The following SLC4A10 variants were observed in gnomAD, a reference collection of about 807,000 sequenced individuals.
The protein encoded by SLC4A10 is solute carrier family 4 member 10, also known as sodium-driven chloride bicarbonate exchanger.
Under a neutral mutation model 137.7 loss-of-function variants are expected in SLC4A10, and 42 were observed. The observed-to-expected ratio is 0.30, with a 90% CI of 0.24 to 0.39. The LOEUF (loss-of-function observed/expected upper bound fraction) is 0.39, where lower values mean the gene tolerates loss of function less well. SLC4A10 is among the 10% of genes least tolerant of loss of function. The probability of loss-of-function intolerance (pLI) is 1.00; values close to 1 mark genes in which losing one functional copy is unlikely to be tolerated. For synonymous variants in SLC4A10, 474 were observed against 464.1 expected (o/e 1.02, Z -0.27); for missense variants, 925 against 1,355.0 (o/e 0.68, Z 4.98).
At chr2:161,852,557 A>G (rs1414317374) in intron 4 of SLC4A10, among the ~76,000 whole-genome samples, 1 of 152,218 alleles carries the variant, frequency 6.6e-6, no homozygotes, top group Non-Finnish European at 1.5e-5. Context: ...AAAGAAAACA[A>G]ATTGGAATAA....
chr2:161,952,802 T>C (rs1695030864), intron 19 of SLC4A10, among the ~76,000 whole-genome samples: 1 of 152,208 alleles, frequency 6.6e-6, no homozygotes, highest in Non-Finnish European at 1.5e-5. Context: ...TAAGCTTCTA[T>C]AGAGTGTGGT....
At chr2:161,866,939 C>T (rs2125907176) in intron 6 of SLC4A10, among the ~76,000 whole-genome samples, 1 of 151,932 alleles carries the variant, frequency 6.6e-6, no homozygotes, top group South Asian at 2.1e-4. Context: ...CTATCCTTTA[C>T]TAATAATTTC....
intron 12 of SLC4A10, among the ~76,000 whole-genome samples, chr2:161,901,473 C>T (rs1024769401): frequency 1.2e-4 from 19 of 152,092 alleles, no homozygotes; most frequent in Non-Finnish European, 1.8e-4. Context: ...TTTCTAATCA[C>T]ACATCTTTGA....
At chr2:161,811,332 G>C (rs1486491388) in intron 3 of SLC4A10, among the ~76,000 whole-genome samples, 1 of 151,690 alleles carries the variant, frequency 6.6e-6, no homozygotes, top group East Asian at 1.9e-4. Flanking sequence ...ATTTATCTTT[G>C]TATGGACTTT....
intron 2 of SLC4A10, among the ~76,000 whole-genome samples, chr2:161,776,065 T>A (rs573640457): frequency 6.6e-6 from 1 of 152,052 alleles, no homozygotes; most frequent in African/African-American, 2.4e-5. Context: ...AGATTTACTA[T>A]CTTAAACGTT....
intron 3 of SLC4A10, among the ~76,000 whole-genome samples, chr2:161,835,328 C>T (rs535537162): frequency 4.9e-4 from 74 of 152,268 alleles, no homozygotes; most frequent in Middle Eastern, 3.4e-3. Context: ...TGAACCACTG[C>T]GCCCGGCCAA....
chr2:161,917,478 A>G (rs1229815706), intron 15 of SLC4A10, among the ~76,000 whole-genome samples: 1 of 151,858 alleles, frequency 6.6e-6, no homozygotes, highest in East Asian at 1.9e-4. Context: ...GTTTAACTTT[A>G]TAGGAAACTG....
chr2:161,840,278 T>G (rs775022099), intron 4 of SLC4A10, among the ~76,000 whole-genome samples: 1 of 152,192 alleles, frequency 6.6e-6, no homozygotes, highest in Non-Finnish European at 1.5e-5. Context: ...AACTTGAAAG[T>G]GGGCTTTTTT....
intron 5 of SLC4A10, among the ~76,000 whole-genome samples, chr2:161,857,868 T>A (rs1248143101): frequency 6.6e-6 from 1 of 152,162 alleles, no homozygotes; most frequent in African/African-American, 2.4e-5. Context: ...AAAAATAATT[T>A]TTTTATTAAC....
At chr2:161,967,291 T>A (rs181609702) in intron 23 of SLC4A10, among the ~76,000 whole-genome samples, 13 of 152,234 alleles carry the variant, frequency 8.5e-5, no homozygotes, top group Admixed American at 3.9e-4. Context: ...TGCAAGGGAA[T>A]AGCGTCTTGG....
intron 2 of SLC4A10, among the ~76,000 whole-genome samples, chr2:161,777,968 A>T (rs2052572446): frequency 6.6e-6 from 1 of 152,012 alleles, no homozygotes; most frequent in Non-Finnish European, 1.5e-5. Flanking sequence ...TACACGTTAT[A>T]ACCTGCATTA....
chr2:161,937,112 T>A (rs1691715804), intron 15 of SLC4A10, among the ~76,000 whole-genome samples: 2 of 152,164 alleles, frequency 1.3e-5, no homozygotes, highest in African/African-American at 4.8e-5. Context: ...TGTTGAGGAG[T>A]ATGTTGTTTA....
intron 26 of SLC4A10, 88 bp downstream of exon 26, chr2:161,977,848 C>T: frequency 7.8e-7 from 1 of 1,288,956 alleles, no homozygotes; most frequent in Non-Finnish European, 1.0e-6. Context: ...TCTATGTCCT[C>T]TGTGTGAGTT....
intron 15 of SLC4A10, among the ~76,000 whole-genome samples, chr2:161,916,929 A>C (rs2105463574): frequency 6.6e-6 from 1 of 152,294 alleles, no homozygotes; most frequent in South Asian, 2.1e-4. Flanking sequence ...ATATACAATA[A>C]AATTTACCAC....
chr2:161,795,645 T>C (rs1324203515), intron 2 of SLC4A10, among the ~76,000 whole-genome samples: 1 of 152,186 alleles, frequency 6.6e-6, no homozygotes, highest in Non-Finnish European at 1.5e-5. Flanking sequence ...TTGTTAGCTA[T>C]AGGCACTATG....
chr2:161,789,325 G>A (rs1651721699), intron 2 of SLC4A10, among the ~76,000 whole-genome samples: 1 of 152,146 alleles, frequency 6.6e-6, no homozygotes, highest in Middle Eastern at 3.4e-3. Flanking sequence ...CCTTTACATG[G>A]GACTCTGAGT....
intron 3 of SLC4A10, among the ~76,000 whole-genome samples, chr2:161,809,620 T>A (rs1402095685): frequency 1.3e-5 from 2 of 152,130 alleles, no homozygotes; most frequent in Non-Finnish European, 2.9e-5. Context: ...CAGCACCATT[T>A]ATTTAATAGG....
chr2:161,944,609 T>C (rs1444680319), intron 16 of SLC4A10, among the ~76,000 whole-genome samples: 1 of 151,494 alleles, frequency 6.6e-6, no homozygotes, highest in African/African-American at 2.4e-5. Flanking sequence ...TTTTTTTTTG[T>C]CATTTTAAAA....
At chr2:161,729,095 A>G (rs1481941681) in intron 1 of SLC4A10, among the ~76,000 whole-genome samples, 1 of 152,220 alleles carries the variant, frequency 6.6e-6, no homozygotes, top group African/African-American at 2.4e-5. Flanking sequence ...TGTAACACTT[A>G]ATGGTGAAAG....
Sources: gnomAD v4.1 joint callset for allele counts (sites outside exome capture counted in the v4.1 genomes callset) on GRCh38, gnomAD v4.1.1 for gene constraint, MANE v1.5 for transcripts, NCBI Gene and HGNC (gene_info 2026-07-23, HGNC 2026-07-21) for gene names.